Variants in NFX1 observed in about 807,000 individuals in gnomAD.
NFX1 encodes transcriptional repressor NF-X1.
In NFX1, 69 loss-of-function variants were observed where a neutral mutation model predicts 137.2. That is an observed-to-expected ratio of 0.50 (90% CI 0.41 to 0.61). NFX1 has a LOEUF of 0.61. Ranked by LOEUF, NFX1 falls within the 20% of genes least tolerant of loss-of-function variation. The pLI is 0.00. For missense variants in NFX1, 1,167 were observed against 1,391.0 expected, an observed-to-expected ratio of 0.84 and a Z score of 2.56; for synonymous variants, 495 against 474.1, an observed-to-expected ratio of 1.04 and a Z score of -0.57.
chr9:33,317,352 G>A (rs551084670), intron 7 of NFX1, among the ~76,000 whole-genome samples: 1 of 149,560 alleles, frequency 6.7e-6, no homozygotes, highest in East Asian at 2.0e-4. Context: ...CCGGGAGTTT[G>A]AGGCTGCAGT....
At chr9:33,336,867 C>T (rs1475095842) in intron 11 of NFX1, among the ~76,000 whole-genome samples, 1 of 152,108 alleles carries the variant, frequency 6.6e-6, no homozygotes, top group Non-Finnish European at 1.5e-5. Context: ...TTTGGGAGGC[C>T]AAGGCAGGCG....
Position 33,365,125 on chromosome 9 carries a change from T to C in NFX1, c.3039+351T>C, listed in dbSNP as rs1302196218. 1.4e-4 allele frequency: 48 copies of C among 351,964 alleles called. No individual in the cohort carries two copies. In the Admixed American group the frequency reaches 2.8e-3, roughly 21 times the overall value. 21.8% of individuals were successfully genotyped at this position (351,964 alleles called of 1,614,324 possible). On this transcript the variant is annotated intron_variant, in intron 21 of 23. Transcript: ENST00000379540. ...CCTGTCTCTACTAAAAATATAAAAA[T>C]TAGCTGGGTGTGGTGGCGGGCACCT...
intron 9 of NFX1, among the ~76,000 whole-genome samples, chr9:33,322,869 T>C (rs1044467831): frequency 1.3e-5 from 2 of 152,214 alleles, no homozygotes; most frequent in Admixed American, 1.3e-4. Flanking sequence ...AACTAAACTG[T>C]AGGCCATCTA....
At chr9:33,331,462 G>A (rs1822803571) in intron 10 of NFX1, among the ~76,000 whole-genome samples, 2 of 152,130 alleles carry the variant, frequency 1.3e-5, no homozygotes, top group African/African-American at 4.8e-5. Context: ...CCTGACAATT[G>A]TAGATAACCA....
chr9:33,310,746 A>G (rs566145226), intron 5 of NFX1, among the ~76,000 whole-genome samples: 3 of 152,284 alleles, frequency 2.0e-5, no homozygotes, highest in African/African-American at 7.2e-5. Flanking sequence ...GGACCCTATT[A>G]GCCATTCTGC....
At position 33,301,826 on chromosome 9, in the gene NFX1, CT is replaced by C. The variant is rs778890382; in HGVS notation, c.1192+408del. On this transcript the variant is annotated intron_variant, in intron 3 of 23. Transcript: ENST00000379540. ...ATGGCTCACGCCTGTAATCCCAGCG[CT>C]TTGGGAGGCCAAGGCAGGCGGATCA... 2.0e-3 allele frequency among the ~76,000 whole-genome samples: 300 copies of C among 152,308 alleles called. 1 individual carries two copies. Among genetic ancestry groups the C allele is most frequent in the Non-Finnish European group, 3.1e-3 (214 of 68,036 alleles).
chr9:33,362,520 CAG>C (rs1337763981), intron 19 of NFX1, among the ~76,000 whole-genome samples: 1 of 151,998 alleles, frequency 6.6e-6, no homozygotes, highest in Non-Finnish European at 1.5e-5. Flanking sequence ...CACAGAAAGA[CAG>C]ACACCACACG....
intron 9 of NFX1, among the ~76,000 whole-genome samples, chr9:33,322,429 G>T (rs1294506395): frequency 2.0e-5 from 3 of 151,968 alleles, no homozygotes; most frequent in Non-Finnish European, 2.9e-5. Context: ...TCCCAGTCAG[G>T]TTTACCATAT....
intron 12 of NFX1, 72 bp from the exon 13 acceptor site, chr9:33,342,674 A>G: frequency 9.8e-7 from 1 of 1,023,180 alleles, no homozygotes; most frequent in South Asian, 1.6e-5. Context: ...TGTTTTTATT[A>G]ATCTTGTTGT....
In NFX1 at chr9:33,366,681, G is replaced by A. The variant is rs765481026; in HGVS notation, c.3092G>A (p.Arg1031His). 21 of 1,614,020 alleles carry A rather than the reference G, an allele frequency of 1.3e-5. No individual in the cohort carries two copies. The East Asian group carries it at 3.3e-4, about 26-fold the overall frequency. ...HSFPPMNRDH[R>H]RIIHDLAQVY... is the part of the protein sequence containing the mutation. ...TTCCCTCCCATGAACAGAGACCACC[G>A]CCGGATCATCCATGACTTGGCCCAA... Residue 1031 changes from arginine (R) to histidine (H), a missense_variant, in exon 22 of 24, where the codon CGC (arginine) becomes CAC (histidine). Coordinates refer to ENST00000379540, the MANE Select transcript of NFX1 (RefSeq NM_002504.6).
In NFX1 at chr9:33,294,867, T is replaced by G; in HGVS notation, c.473T>G (p.Val158Gly). ...AGTCCTTCTGAGAGTGAGAAGGAAG[T>G]TGTGGGTGCAGATCCCAGGGGAGCA... Reference protein sequence around the residue: ...EHSPSESEKEVVGADPRGAKP... With the variant: ...EHSPSESEKEGVGADPRGAKP... Residue 158 changes from valine (V) to glycine (G), a missense_variant, in exon 2 of 24, where the codon GTT becomes GGT. Coordinates refer to ENST00000379540, the MANE Select transcript of NFX1 (RefSeq NM_002504.6). The G allele has an allele frequency of 6.2e-7, 1 of 1,613,860 alleles. No individual in the cohort carries two copies. Among genetic ancestry groups the G allele is most frequent in the Non-Finnish European group, 8.5e-7 (1 of 1,179,970 alleles).
Position 33,339,442 on chromosome 9 carries a change from G to A in NFX1, c.2115+853G>A, listed in dbSNP as rs1239759238. 3.9e-5 allele frequency among the ~76,000 whole-genome samples: 6 copies of A among 152,264 alleles called. No homozygotes were observed. In the East Asian group the frequency reaches 9.6e-4, roughly 24 times the overall value. On this transcript the variant is annotated intron_variant, in intron 12 of 23. Coordinates refer to ENST00000379540, the MANE Select transcript of NFX1 (RefSeq NM_002504.6). ...CAGCACAAGAAAGACCTGCCCCCAC[G>A]ATTCAATTACCTCCCACCAGGTCCC...
intron 9 of NFX1, among the ~76,000 whole-genome samples, chr9:33,326,360 C>T (rs1258457015): frequency 6.7e-6 from 1 of 150,254 alleles, no homozygotes; most frequent in Non-Finnish European, 1.5e-5. Flanking sequence ...CTGCAGTGAG[C>T]CAAGATCATG....
At chr9:33,354,767 G>A (rs1341809125) in intron 18 of NFX1, 84 bp from the exon 19 acceptor site, 1 of 1,324,478 alleles carries the variant, frequency 7.6e-7, no homozygotes, top group Non-Finnish European at 1.0e-6. Flanking sequence ...GTGCTTCCAG[G>A]TTGACTGAGA....
At chr9:33,301,177 T>C in intron 2 of NFX1, 86 bp from the exon 3 acceptor site, 1 of 1,212,246 alleles carries the variant, frequency 8.2e-7, no homozygotes, top group South Asian at 1.4e-5. Context: ...TTCTCTTGAG[T>C]GACTTGCTGA....
intron 6 of NFX1, among the ~76,000 whole-genome samples, chr9:33,313,112 G>A (rs1485212074): frequency 6.6e-6 from 1 of 152,100 alleles, no homozygotes; most frequent in Non-Finnish European, 1.5e-5. Context: ...GGCAGAGCTA[G>A]GACCAGAACC....
chr9:33,312,536 A>G (rs948421061), intron 6 of NFX1, among the ~76,000 whole-genome samples: 1 of 152,260 alleles, frequency 6.6e-6, no homozygotes, highest in Non-Finnish European at 1.5e-5. Context: ...CCAAGTGCTT[A>G]ACCATTACCC....
chr9:33,329,600 T>C (rs1171095491), intron 10 of NFX1, among the ~76,000 whole-genome samples: 1 of 152,180 alleles, frequency 6.6e-6, no homozygotes, highest in Non-Finnish European at 1.5e-5. Context: ...ATCTGTTTTG[T>C]CAGTTTCTAC....
Position 33,303,090 on chromosome 9 carries a change from CACT to C in NFX1, c.1193-97_1193-95del, listed in dbSNP as rs1821631876. On this transcript the variant is annotated intron_variant, in intron 3 of 23. Coordinates refer to ENST00000379540, the MANE Select transcript of NFX1 (RefSeq NM_002504.6). ...ATATGCTTAACATTGAAATTATTAC[CACT>C]ACTTCAATATTGTGTCTTCCTATAG... 8.9e-6 allele frequency: 7 copies of C among 786,884 alleles called. No homozygotes were observed. The Admixed American group carries it at 1.4e-4, about 16-fold the overall frequency. 48.7% of individuals were successfully genotyped at this position (786,884 alleles called of 1,614,324 possible). A position where few individuals can be genotyped will look rare whatever the true frequency, so the allele number is the denominator to read the frequency against.
Sources: gnomAD v4.1 joint callset for allele counts (sites outside exome capture counted in the v4.1 genomes callset) on GRCh38, gnomAD v4.1.1 for gene constraint, MANE v1.5 for transcripts, NCBI Gene and HGNC (gene_info 2026-07-23, HGNC 2026-07-21) for gene names.